IZUMO1: variants seen among roughly 807,000 people sequenced by gnomAD.
The protein encoded by IZUMO1 is izumo sperm-oocyte fusion 1, also known as izumo sperm-egg fusion protein 1.
IZUMO1 carries 44 observed loss-of-function variants against 40.7 expected under a neutral mutation model. That is an observed-to-expected ratio of 1.08 (90% CI 0.85 to 1.39). The LOEUF is 1.39. IZUMO1 is among the 40% of genes most tolerant of loss of function. The pLI is 0.00. For synonymous variants in IZUMO1, 149 were observed against 170.9 expected, an observed-to-expected ratio of 0.87 and a Z score of 1.00; for missense variants, 368 against 436.9, an observed-to-expected ratio of 0.84 and a Z score of 1.41.
intron 6 of IZUMO1, 146 bp from the exon 7 acceptor site, chr19:48,742,455 C>A: frequency 1.6e-6 from 1 of 635,780 alleles, no homozygotes; most frequent in South Asian, 1.7e-5. Flanking sequence ...TCAAGCGATT[C>A]TCTTGCCTCA....
intron 2 of IZUMO1, 97 bp from the exon 3 acceptor site, chr19:48,745,385 A>C (rs2033850775): frequency 1.7e-6 from 2 of 1,179,140 alleles, no homozygotes; most frequent in African/African-American, 1.5e-5. Context: ...CTGGGCAAAG[A>C]TAGGCCTGGT....
In IZUMO1 at chr19:48,744,443, C is replaced by A; in HGVS notation, c.397+10G>T. The A allele has an allele frequency of 6.2e-7, 1 of 1,606,324 alleles. No individual in the cohort carries two copies. On this transcript the variant is annotated intron_variant, in intron 4 of 9. Coordinates refer to ENST00000332955, the MANE Select transcript of IZUMO1 (RefSeq NM_182575.3). The stretch of plus-strand genomic sequence containing the variant: ...GGAGCTGGGGGACACCGACTCCCAT[C>A]TTCTCTCACCCTCTTTTTGGAATCG...
In IZUMO1 at chr19:48,745,255, A is replaced by G. The variant is rs1263115491; in HGVS notation, c.269T>C (p.Leu90Ser). 3 of 1,614,062 alleles carry G rather than the reference A, an allele frequency of 1.9e-6. No homozygotes were observed. The South Asian group carries it at 3.3e-5, about 18-fold the overall frequency. ...EATLQKGSWS[L>S]LKDLKRITDS... is the part of the protein sequence containing the mutation. The stretch of plus-strand genomic sequence containing the variant: ...TGTGATGCGTTTCAGATCCTTCAGC[A>G]AACTCCAGGACCCCTTTTGCAGTGT... The change falls in exon 3 of 10, where the codon TTG (leucine) becomes TCG (serine). Residue 90 changes from leucine to serine, a missense_variant. Leu to Ser is a moderately radical substitution (Grantham distance 145). Coordinates refer to ENST00000332955, the MANE Select transcript of IZUMO1 (RefSeq NM_182575.3).
chr19:48,743,481 C>G lies in IZUMO1; in HGVS notation c.463G>C (p.Glu155Gln). ...TLIWCKNCKK[E>Q]VHACRKSYDC... Reference sequence around the variant, plus strand: ...TAGGACTTTCGACAAGCGTGAACCTCCTTTTTGCAGTTCTTGCACCAGATC... The same window carrying G: ...TAGGACTTTCGACAAGCGTGAACCTGCTTTTTGCAGTTCTTGCACCAGATC... Residue 155 changes from glutamate (E) to glutamine (Q), a missense_variant, in exon 6 of 10, where the codon GAG becomes CAG. Glu to Gln is a conservative substitution (Grantham distance 29). Transcript: ENST00000332955. 1 of 1,614,172 alleles carries G rather than the reference C, an allele frequency of 6.2e-7. No homozygotes were observed. Among genetic ancestry groups the G allele is most frequent in the Non-Finnish European group, 8.5e-7 (1 of 1,180,038 alleles).
intron 3 of IZUMO1, 75 bp from the exon 4 acceptor site, chr19:48,744,614 T>C (rs989114041): frequency 4.6e-6 from 5 of 1,086,274 alleles, no homozygotes; most frequent in Non-Finnish European, 7.1e-6. Context: ...AGTCTGGCAG[T>C]CTACTTCCTG....
Position 48,745,605 on chromosome 19 carries a change from G to A in IZUMO1, c.235+20C>T, listed in dbSNP as rs1393477655. On this transcript the variant is annotated intron_variant, in intron 2 of 9. Coordinates refer to ENST00000332955, the MANE Select transcript of IZUMO1 (RefSeq NM_182575.3). ...CTCCTTTCCCAGGACCCAGGGGTCCGTGGTCCCCCCTGCCCTCACCAACGA... is the reference window on the plus strand; with the variant it reads ...CTCCTTTCCCAGGACCCAGGGGTCCATGGTCCCCCCTGCCCTCACCAACGA... 6.2e-7 allele frequency: 1 copy of A among 1,612,928 alleles called. No homozygotes were observed. The highest frequency in any genetic ancestry group is 1.3e-5 in the African/African-American group (1 of 74,840).
rs1311091471 is a variant in IZUMO1 at position 48,741,404 on chromosome 19, A to G, written c.829T>C (p.Ser277Pro). The G allele has an allele frequency of 6.2e-7, 1 of 1,613,554 alleles. No individual in the cohort carries two copies. The highest frequency in any genetic ancestry group is 8.5e-7 in the Non-Finnish European group (1 of 1,179,878). ...VTPGEATTES[S>P]ISLQPLQPEK... ...GGCTGCAGAGGCTGGAGGCTTATGGACGACTCCGTGGTCGCCTCCCCCGGG... is the reference window on the plus strand; with the variant it reads ...GGCTGCAGAGGCTGGAGGCTTATGGGCGACTCCGTGGTCGCCTCCCCCGGG... Residue 277 changes from serine to proline, a missense_variant, in exon 9 of 10, where the codon TCC (serine) becomes CCC (proline). Coordinates refer to ENST00000332955, the MANE Select transcript of IZUMO1 (RefSeq NM_182575.3). The surrounding 1 kb of genome is among the most constrained non-coding windows in gnomAD (Gnocchi z 4.4).
Position 48,743,612 on chromosome 19 carries a change from A to G in IZUMO1, c.419-87T>C, listed in dbSNP as rs974831727. 4.1e-6 allele frequency: 4 copies of G among 964,954 alleles called. No individual in the cohort carries two copies. The African/African-American group carries it at 6.4e-5, about 16-fold the overall frequency. 59.8% of individuals were successfully genotyped at this position (964,954 alleles called of 1,614,324 possible). A position where few individuals can be genotyped will look rare whatever the true frequency, so the allele number is the denominator to read the frequency against. On this transcript the variant is annotated intron_variant, in intron 5 of 9. Coordinates refer to ENST00000332955, the MANE Select transcript of IZUMO1 (RefSeq NM_182575.3). ...CAGGGCTAAGGGCTGGGGCCAGATCATCTATGACATTCCTAGATGGTCAGA... is the reference window on the plus strand; with the variant it reads ...CAGGGCTAAGGGCTGGGGCCAGATCGTCTATGACATTCCTAGATGGTCAGA...
chr19:48,743,593 T>C, intron 5 of IZUMO1, 68 bp from the exon 6 acceptor site: 1 of 1,266,516 alleles, frequency 7.9e-7, no homozygotes, highest in Non-Finnish European at 1.2e-6. Context: ...AGGTCAGGGC[T>C]AAGGGCTGGG....
At position 48,741,697 on chromosome 19, in the gene IZUMO1, C is replaced by A; in HGVS notation, c.754+92G>T. 1.4e-6 allele frequency: 2 copies of A among 1,437,174 alleles called. No homozygotes were observed. Among genetic ancestry groups the A allele is most frequent in the South Asian group, 2.9e-5 (2 of 69,876 alleles). 89.0% of individuals were successfully genotyped at this position (1,437,174 alleles called of 1,614,324 possible). On this transcript the variant is annotated intron_variant, in intron 8 of 9. Coordinates refer to ENST00000332955, the MANE Select transcript of IZUMO1 (RefSeq NM_182575.3). This position sits in a 1 kb window ranked among gnomAD's most constrained non-coding sequence, Gnocchi z 4.4. Reference sequence around the variant, plus strand: ...CCCGAAACCACACCCAACAGGAAGTCACGCCCCCATCGCCAAGGCCACGCC... The same window carrying A: ...CCCGAAACCACACCCAACAGGAAGTAACGCCCCCATCGCCAAGGCCACGCC...
In IZUMO1 at chr19:48,745,611, C is replaced by T. The variant is rs1335648168; in HGVS notation, c.235+14G>A. The T allele has an allele frequency of 1.2e-6, 2 of 1,613,198 alleles. No individual in the cohort carries two copies. Among genetic ancestry groups the T allele is most frequent in the Non-Finnish European group, 1.7e-6 (2 of 1,179,224 alleles). ...TCCCAGGACCCAGGGGTCCGTGGTC[C>T]CCCCTGCCCTCACCAACGACCCCCA... On this transcript the variant is annotated intron_variant, in intron 2 of 9. Coordinates refer to ENST00000332955, the MANE Select transcript of IZUMO1 (RefSeq NM_182575.3).
chr19:48,742,118 G>T, intron 7 of IZUMO1, 91 bp downstream of exon 7: 1 of 1,484,952 alleles, frequency 6.7e-7, no homozygotes, highest in Non-Finnish European at 9.4e-7. Context: ...ACCCTCCTGG[G>T]TCATGAGAAT....
At position 48,741,886 on chromosome 19, in the gene IZUMO1, G is replaced by T. The variant is rs764857691; in HGVS notation, c.657C>A (p.Thr219=). 1.2e-6 allele frequency: 2 copies of T among 1,612,270 alleles called. No homozygotes were observed. The highest frequency in any genetic ancestry group is 2.2e-5 in the South Asian group (2 of 90,992). Residue 219 remains threonine (T), a synonymous_variant, in exon 8 of 10, where the codon ACC becomes ACA. Transcript: ENST00000332955. This position sits in a 1 kb window ranked among gnomAD's most constrained non-coding sequence, Gnocchi z 4.4. ...LVSKGKEATL[T]KPMVGPEDAG... ...CATCCTCTGGACCCACCATGGGCTT[G>T]GTCAGGGTGGCCTCTTTCCCCTTGG...
chr19:48,741,116 C>A lies in IZUMO1; in HGVS notation c.933-88G>T. 6 of 1,574,812 alleles carry A rather than the reference C, an allele frequency of 3.8e-6. No homozygotes were observed. The highest frequency in any genetic ancestry group is 5.2e-6 in the Non-Finnish European group (6 of 1,153,996). On this transcript the variant is annotated intron_variant, in intron 9 of 9. Transcript: ENST00000332955. This position sits in a 1 kb window ranked among gnomAD's most constrained non-coding sequence, Gnocchi z 4.4. ...CCCCTCCCAACCTCCCCCTTTGTGA[C>A]CTTATTCTAGCAATTACCTAAGCCT...
chr19:48,745,394 G>C, intron 2 of IZUMO1, 106 bp from the exon 3 acceptor site: 1 of 1,128,940 alleles, frequency 8.9e-7, no homozygotes, highest in Non-Finnish European at 1.3e-6. Context: ...GATAGGCCTG[G>C]TTAAGGACTC....
chr19:48,743,564 G>GT, intron 5 of IZUMO1, 39 bp from the exon 6 acceptor site: 3 of 1,482,446 alleles, frequency 2.0e-6, no homozygotes, highest in Non-Finnish European at 2.8e-6. Flanking sequence ...TGCCCACTAA[G>GT]GGGCATGGCT....
At chr19:48,745,156 A>G (rs1437509951) in intron 3 of IZUMO1, 58 bp downstream of exon 3, 5 of 1,393,774 alleles carry the variant, frequency 3.6e-6, no homozygotes, top group Non-Finnish European at 5.1e-6. Flanking sequence ...GAGACCAGGC[A>G]TCACTAACGC....
At chr19:48,744,685 G>A in intron 3 of IZUMO1, 146 bp from the exon 4 acceptor site, 1 of 634,426 alleles carries the variant, frequency 1.6e-6, no homozygotes, top group African/African-American at 1.8e-5. Flanking sequence ...GCTGGGCTAG[G>A]CAATGCATAT....
chr19:48,744,421 G>C, intron 4 of IZUMO1, 32 bp downstream of exon 4: 6 of 1,523,368 alleles, frequency 3.9e-6, no homozygotes, highest in Non-Finnish European at 3.6e-6. Context: ...GGAAAGAGGA[G>C]CTGGGGGACA....
Sources: gnomAD v4.1 joint callset for allele counts on GRCh38, gnomAD v4.1.1 for gene constraint, Gnocchi (gnomAD v3.1) non-coding constraint, MANE v1.5 for transcripts, NCBI Gene and HGNC (gene_info 2026-07-23, HGNC 2026-07-21) for gene names.